The following IQUB variants were observed in gnomAD, a reference collection of about 807,000 sequenced individuals.
IQUB encodes the protein IQ motif and ubiquitin-like domain-containing protein.
IQUB carries 86 observed loss-of-function variants against 86.4 expected under a neutral mutation model. That is an observed-to-expected ratio of 1.00 (90% CI 0.84 to 1.19). The LOEUF is 1.19. IQUB is among the 50% of genes most tolerant of loss of function. The pLI is 0.00. For missense variants in IQUB, 946 were observed against 916.9 expected (o/e 1.03, Z -0.41); for synonymous variants, 289 against 304.5 (o/e 0.95, Z 0.53).
At chr7:123,529,744 A>AC (rs1401895056) in intron 1 of IQUB, among the ~76,000 whole-genome samples, 3 of 147,940 alleles carry the variant, frequency 2.0e-5, no homozygotes, top group Non-Finnish European at 3.0e-5. Flanking sequence ...AAAAAAAAAA[A>AC]AAAAAAACAG....
chr7:123,507,821 G>A (rs1054694229), intron 3 of IQUB, among the ~76,000 whole-genome samples: 3 of 150,316 alleles, frequency 2.0e-5, no homozygotes, highest in Admixed American at 6.7e-5. Context: ...TGCAGTGAGC[G>A]AGATCGTGAC....
intron 12 of IQUB, chr7:123,456,489 A>C (rs1027949631): frequency 6.6e-6 from 1 of 152,106 alleles, no homozygotes; most frequent in African/African-American, 2.4e-5. Flanking sequence ...AACTAAAAAA[A>C]TATTTAAAAA....
intron 3 of IQUB, among the ~76,000 whole-genome samples, chr7:123,507,960 G>A (rs936318603): frequency 6.6e-6 from 1 of 152,080 alleles, no homozygotes; most frequent in Non-Finnish European, 1.5e-5. Context: ...TAATCTCCCG[G>A]ACCTATGAAT....
At chr7:123,514,684 G>A (rs1796565813) in intron 1 of IQUB, among the ~76,000 whole-genome samples, 1 of 151,994 alleles carries the variant, frequency 6.6e-6, no homozygotes, top group Non-Finnish European at 1.5e-5. Context: ...GGCTTTTATT[G>A]AGGCCATCAC....
chr7:123,463,672 T>C (rs1384604947), intron 10 of IQUB, among the ~76,000 whole-genome samples: 1 of 151,668 alleles, frequency 6.6e-6, no homozygotes, highest in East Asian at 1.9e-4. Context: ...GAGAGAATTC[T>C]GGGGGCTGAT....
intron 2 of IQUB, among the ~76,000 whole-genome samples, chr7:123,510,553 T>C (rs1309285029): frequency 6.6e-6 from 1 of 152,128 alleles, no homozygotes; most frequent in African/African-American, 2.4e-5. Context: ...AAATACAGTA[T>C]GTAAAAAGTA....
intron 9 of IQUB, 53 bp from the exon 10 acceptor site, chr7:123,465,062 A>G (rs1794185049): frequency 8.3e-7 from 1 of 1,211,136 alleles, no homozygotes; most frequent in South Asian, 1.3e-5. Context: ...CACTAAGTTC[A>G]CTTTCAAATT....
At chr7:123,453,974 A>G (rs1317189868) in intron 12 of IQUB, among the ~76,000 whole-genome samples, 1 of 152,126 alleles carries the variant, frequency 6.6e-6, no homozygotes, top group Non-Finnish European at 1.5e-5. Context: ...ACTTCTTCCT[A>G]AAATTTATTT....
At position 123,485,554 on chromosome 7, in the gene IQUB, CT is replaced by C. The variant is rs1204093646; in HGVS notation, c.1235-5585del. On this transcript the variant is annotated intron_variant, in intron 7 of 12. Transcript: ENST00000324698. Reference sequence around the variant, plus strand: ...TGGTTCATCTGAAAAAATTGATTCACTTTGTCTTCTCATCTTCCTAGACAGA... The same window carrying C: ...TGGTTCATCTGAAAAAATTGATTCACTTGTCTTCTCATCTTCCTAGACAGA... Among the ~76,000 whole-genome samples the C allele has an allele frequency of 5.9e-5, 9 of 152,198 alleles. No individual in the cohort carries two copies. The South Asian group carries it at 6.2e-4, about 11-fold the overall frequency.
At chr7:123,521,758 A>G (rs1032541194) in intron 1 of IQUB, among the ~76,000 whole-genome samples, 3 of 152,092 alleles carry the variant, frequency 2.0e-5, no homozygotes, top group East Asian at 3.9e-4. Context: ...AATTAATGAT[A>G]TGAATGACCC....
rs905854811 is a variant in IQUB, at chr7:123,469,328, C to T, written c.1467G>A (p.Thr489=). The change falls in exon 9 of 13, where the codon ACG becomes ACA. Residue 489 remains threonine (T), a synonymous_variant. Coordinates refer to ENST00000324698, the MANE Select transcript of IQUB (RefSeq NM_178827.5). The part of the protein sequence containing the change: ...TPNGKTIEMD[T]QFTIRARELQ... The stretch of plus-strand genomic sequence containing the variant: ...GCTCTCTGGCTCTGATGGTGAACTG[C>T]GTATCCATCTCAATTGTTTTGCCAT... 1.6e-5 allele frequency: 26 copies of T among 1,607,712 alleles called. No homozygotes were observed. In the South Asian group the frequency reaches 2.4e-4, roughly 15 times the overall value.
intron 1 of IQUB, 58 bp from the exon 2 acceptor site, chr7:123,512,402 C>T: frequency 1.9e-6 from 2 of 1,043,352 alleles, no homozygotes; most frequent in East Asian, 4.9e-5. Context: ...CACAAAAAAT[C>T]AAATTCATTG....
chr7:123,471,005 T>C (rs1794496641), intron 8 of IQUB, among the ~76,000 whole-genome samples: 1 of 152,196 alleles, frequency 6.6e-6, no homozygotes, highest in Non-Finnish European at 1.5e-5. Flanking sequence ...ATTTGATATA[T>C]TCTCAAAGTA....
intron 7 of IQUB, among the ~76,000 whole-genome samples, chr7:123,485,546 T>A (rs764622252): frequency 6.6e-6 from 1 of 152,068 alleles, no homozygotes; most frequent in African/African-American, 2.4e-5. Flanking sequence ...TCTGAAAAAA[T>A]TGATTCACTT....
intron 1 of IQUB, among the ~76,000 whole-genome samples, chr7:123,525,611 G>A (rs1188286089): frequency 6.6e-6 from 1 of 151,802 alleles, no homozygotes; most frequent in African/African-American, 2.4e-5. Flanking sequence ...TATTCGTCTT[G>A]CTAGCGGTCT....
chr7:123,503,498 G>T, intron 3 of IQUB, 135 bp from the exon 4 acceptor site: 1 of 561,470 alleles, frequency 1.8e-6, no homozygotes, highest in South Asian at 2.6e-5. Context: ...TGTATACATT[G>T]TGAAGTAGCT....
intron 12 of IQUB, among the ~76,000 whole-genome samples, chr7:123,453,251 GT>G (rs1161526334): frequency 4.8e-5 from 6 of 124,980 alleles, no homozygotes; most frequent in African/African-American, 1.4e-4. Context: ...CTAACTGGGG[GT>G]ATCTAGTTAG....
intron 1 of IQUB, among the ~76,000 whole-genome samples, chr7:123,527,625 T>G (rs1487505070): frequency 6.6e-6 from 1 of 152,172 alleles, no homozygotes; most frequent in African/African-American, 2.4e-5. Flanking sequence ...GTTAGGCTGC[T>G]CGGGGGTCAG....
At chr7:123,467,640 T>C (rs1253196035) in intron 9 of IQUB, among the ~76,000 whole-genome samples, 1 of 152,172 alleles carries the variant, frequency 6.6e-6, no homozygotes, top group African/African-American at 2.4e-5. Flanking sequence ...GGTCCTTGAA[T>C]ATATAACTGG....
Sources: allele counts gnomAD v4.1 joint callset (sites outside exome capture counted in the v4.1 genomes callset), GRCh38; gene constraint gnomAD v4.1.1; transcripts MANE v1.5; gene names NCBI Gene and HGNC (gene_info 2026-07-23, HGNC 2026-07-21).